SLC25A21: variants seen among roughly 807,000 people sequenced by gnomAD.
SLC25A21 encodes mitochondrial 2-oxodicarboxylate carrier.
A neutral mutation model predicts 43.8 loss-of-function variants in SLC25A21; 47 were observed. The observed-to-expected ratio is 1.07, with a 90% confidence interval of 0.85 to 1.37. The LOEUF (loss-of-function observed/expected upper bound fraction) is 1.37, where lower values mean the gene tolerates loss of function less well. Ranked by LOEUF, SLC25A21 falls within the 40% of genes most tolerant of loss-of-function variation. The probability of loss-of-function intolerance (pLI) is 0.00; values close to 1 mark genes in which losing one functional copy is unlikely to be tolerated. For missense variants in SLC25A21, 352 were observed against 350.2 expected, an observed-to-expected ratio of 1.00 and a Z score of -0.04; for synonymous variants, 131 against 121.3, an observed-to-expected ratio of 1.08 and a Z score of -0.52.
At chr14:36,965,539 CTCA>C (rs748371686) in intron 1 of SLC25A21, among the ~76,000 whole-genome samples, 4 of 152,074 alleles carry the variant, frequency 2.6e-5, no homozygotes, top group Non-Finnish European at 4.4e-5. Context: ...CTTGAATAGT[CTCA>C]TTTTGTTTTT....
chr14:36,812,908 T>A (rs993756557), intron 3 of SLC25A21, among the ~76,000 whole-genome samples: 2 of 152,084 alleles, frequency 1.3e-5, no homozygotes, highest in African/African-American at 4.8e-5. Flanking sequence ...AGAACCTACA[T>A]CATAAAGTTG....
chr14:37,038,077 A>G (rs1433850384), intron 1 of SLC25A21, among the ~76,000 whole-genome samples: 1 of 152,192 alleles, frequency 6.6e-6, no homozygotes, highest in African/African-American at 2.4e-5. Context: ...TTCTCAGTTC[A>G]GCGCTTATTG....
chr14:37,035,375 AGTT>A (rs1961305663), intron 1 of SLC25A21, among the ~76,000 whole-genome samples: 2 of 152,226 alleles, frequency 1.3e-5, no homozygotes, highest in Admixed American at 1.3e-4. Flanking sequence ...TGGCCCTGTG[AGTT>A]GTTTTCTTCA....
At chr14:36,762,484 T>C (rs1438491035) in intron 3 of SLC25A21, among the ~76,000 whole-genome samples, 1 of 152,212 alleles carries the variant, frequency 6.6e-6, no homozygotes, top group East Asian at 1.9e-4. Context: ...GTCACACAGA[T>C]AGCAAGAATT....
chr14:36,782,077 G>A (rs920649664), intron 3 of SLC25A21, among the ~76,000 whole-genome samples: 1 of 152,130 alleles, frequency 6.6e-6, no homozygotes, highest in South Asian at 2.1e-4. Flanking sequence ...GGCCTGCAAG[G>A]TTTCTGTTGA....
At chr14:37,133,142 T>TACACACAC (rs1963418343) in intron 1 of SLC25A21, among the ~76,000 whole-genome samples, 1 of 105,152 alleles carries the variant, frequency 9.5e-6, no homozygotes, top group African/African-American at 5.9e-5. Flanking sequence ...TGTGCACTCG[T>TACACACAC]GCACACACAC....
rs1959577003 is a variant in SLC25A21, at chr14:36,964,852, G to A, written c.71-89848C>T. ...TCAGAATTACAAACTCGCTTGTGATGGGGAGGGTAACAATCTTCCTATATT... is the reference window on the plus strand; with the variant it reads ...TCAGAATTACAAACTCGCTTGTGATAGGGAGGGTAACAATCTTCCTATATT... On this transcript the variant is annotated intron_variant, in intron 1 of 9. Coordinates refer to ENST00000331299, the MANE Select transcript of SLC25A21 (RefSeq NM_030631.4). 3.9e-5 allele frequency among the ~76,000 whole-genome samples: 6 copies of A among 152,234 alleles called. No individual in the cohort carries two copies. The South Asian group carries it at 1.2e-3, about 32-fold the overall frequency.
At chr14:36,740,926 A>G (rs1019203073) in intron 3 of SLC25A21, among the ~76,000 whole-genome samples, 5 of 152,174 alleles carry the variant, frequency 3.3e-5, no homozygotes, top group African/African-American at 1.2e-4. Flanking sequence ...TGTGTACCTG[A>G]TATCTTTAGT....
At chr14:36,770,752 T>C (rs931300111) in intron 3 of SLC25A21, among the ~76,000 whole-genome samples, 1 of 152,228 alleles carries the variant, frequency 6.6e-6, no homozygotes, top group African/African-American at 2.4e-5. Context: ...AGGTTACCTT[T>C]ACTGGGAGTG....
At chr14:37,060,553 T>C (rs1961926086) in intron 1 of SLC25A21, among the ~76,000 whole-genome samples, 1 of 151,886 alleles carries the variant, frequency 6.6e-6, no homozygotes, top group Non-Finnish European at 1.5e-5. Context: ...ATCCAGATTT[T>C]AATGTGAAAT....
intron 1 of SLC25A21, among the ~76,000 whole-genome samples, chr14:37,032,484 G>A (rs142871856): frequency 0.015 from 2,225 of 152,032 alleles, 50 homozygotes; most frequent in African/African-American, 0.05. Context: ...TGCAATGAGC[G>A]GAGATTGTGC....
chr14:36,791,881 C>A (rs1887497684), intron 3 of SLC25A21, among the ~76,000 whole-genome samples: 1 of 152,034 alleles, frequency 6.6e-6, no homozygotes, highest in East Asian at 1.9e-4. Context: ...TGGAAAGAGG[C>A]ACCGGGAGGC....
intron 3 of SLC25A21, among the ~76,000 whole-genome samples, chr14:36,800,100 A>G (rs978935884): frequency 2.0e-5 from 3 of 152,166 alleles, no homozygotes; most frequent in African/African-American, 7.2e-5. Context: ...GCAGATCTCA[A>G]GTCTCTGGTG....
Position 36,878,015 on chromosome 14 carries a change from T to A in SLC25A21, c.71-3011A>T, listed in dbSNP as rs986591262. 2.5e-4 allele frequency among the ~76,000 whole-genome samples: 38 copies of A among 152,150 alleles called. 1 individual carries two copies. The highest frequency in any genetic ancestry group is 1.5e-3 in the Admixed American group (23 of 15,266). ...GTGGTATTGACCTCTGCTAATGTGC[T>A]CTCCCAATAATCTAATCATCTTCTC... is the stretch of plus-strand genomic sequence containing the variant. On this transcript the variant is annotated intron_variant, in intron 1 of 9. Coordinates refer to ENST00000331299, the MANE Select transcript of SLC25A21 (RefSeq NM_030631.4).
intron 7 of SLC25A21, among the ~76,000 whole-genome samples, chr14:36,704,593 G>C (rs1280886160): frequency 6.8e-6 from 1 of 146,992 alleles, no homozygotes; most frequent in Non-Finnish European, 1.5e-5. Context: ...GGAGGCGGAG[G>C]TTGCAGTGAG....
At chr14:37,130,234 T>G (rs1474832188) in intron 1 of SLC25A21, among the ~76,000 whole-genome samples, 3 of 152,128 alleles carry the variant, frequency 2.0e-5, no homozygotes, top group Admixed American at 2.0e-4. Flanking sequence ...TCTGTACTTG[T>G]GCTTTTGTGA....
intron 1 of SLC25A21, among the ~76,000 whole-genome samples, chr14:37,038,825 G>A (rs1330700645): frequency 6.6e-6 from 1 of 152,136 alleles, no homozygotes; most frequent in African/African-American, 2.4e-5. Context: ...TTGTGCCTAA[G>A]ATTTGCTGAA....
At chr14:36,706,452 T>C (rs1237694733) in intron 7 of SLC25A21, among the ~76,000 whole-genome samples, 1 of 152,138 alleles carries the variant, frequency 6.6e-6, no homozygotes, top group Non-Finnish European at 1.5e-5. Flanking sequence ...GACCGATGAC[T>C]TCTAAACATC....
At chr14:36,866,239 T>C (rs1004573639) in intron 2 of SLC25A21, among the ~76,000 whole-genome samples, 4 of 152,194 alleles carry the variant, frequency 2.6e-5, no homozygotes, top group Non-Finnish European at 5.9e-5. Flanking sequence ...GCCCTCTGAC[T>C]AGCTGGAACT....
Sources: gnomAD v4.1 joint callset for allele counts (sites outside exome capture counted in the v4.1 genomes callset) on GRCh38, gnomAD v4.1.1 for gene constraint, MANE v1.5 for transcripts, NCBI Gene and HGNC (gene_info 2026-07-23, HGNC 2026-07-21) for gene names.